AFF2: variants seen among roughly 807,000 people sequenced by gnomAD.
AFF2 encodes the protein AF4/FMR2 family member 2.
Under a neutral mutation model 76.9 loss-of-function variants are expected in AFF2, and 14 were observed. The observed-to-expected ratio is 0.18, with a 90% CI of 0.12 to 0.28. The LOEUF (loss-of-function observed/expected upper bound fraction) is 0.28. Among genes scored for constraint, AFF2 ranks in the 10% least tolerant of loss-of-function variants. The pLI, the probability that AFF2 is intolerant of heterozygous loss-of-function variation, is 1.00. For synonymous variants in AFF2, 398 were observed against 366.7 expected (o/e 1.09, Z -0.98); for missense variants, 868 against 1,001.1 (o/e 0.87, Z 1.79).
At position 148,918,480 on chromosome X, in the gene AFF2, G is replaced by T. The variant is rs191970934; in HGVS notation, c.1397+14222G>T. ...GTAGTGAAGATCTCATGTTACCTTT[G>T]TAGGCACAGCTTATCGAACAGGCAT... On this transcript the variant is annotated intron_variant, in intron 9 of 20. Transcript: ENST00000370460. 4.5e-5 allele frequency among the ~76,000 whole-genome samples: 5 copies of T among 111,506 alleles called. No homozygotes were observed. The East Asian group carries it at 1.4e-3, about 32-fold the overall frequency.
At chrX:148,967,203 T>A in intron 14 of AFF2, 124 bp downstream of exon 14, 1 of 1,005,413 alleles carries the variant, frequency 9.9e-7, no homozygotes. Flanking sequence ...TCCTATACCC[T>A]TAAAAGTCCA....
intron 3 of AFF2, among the ~76,000 whole-genome samples, chrX:148,704,157 G>C (rs2054836892): frequency 1.8e-5 from 1 of 56,181 alleles, no homozygotes; most frequent in South Asian, 1.1e-3. Flanking sequence ...AAGTGGTTTT[G>C]GAACATAATT....
chrX:148,971,319 G>A (rs1166365087), intron 15 of AFF2, among the ~76,000 whole-genome samples: 5 of 101,551 alleles, frequency 4.9e-5, no homozygotes, highest in African/African-American at 1.1e-4. Flanking sequence ...TAAGTGAGGC[G>A]ATACGGGCTT....
chrX:148,508,771 G>A (rs933960225), intron 1 of AFF2, among the ~76,000 whole-genome samples: 1 of 111,766 alleles, frequency 8.9e-6, no homozygotes, highest in African/African-American at 3.3e-5. Context: ...ATGAAGTGCC[G>A]TGGAGAGGTC....
chrX:148,946,714 G>C lies in AFF2; in HGVS notation c.1398-6866G>C, dbSNP rs2071904867. Among the ~76,000 whole-genome samples, 3 of 112,165 alleles carry C rather than the reference G, an allele frequency of 2.7e-5. No homozygotes were observed. In the South Asian group the frequency reaches 1.1e-3, roughly 42 times the overall value. ...AACTGAGGGCCAGTTCCAGCTTCTAGAGGCTGCCACATTCCTTGACTTTTG... is the reference window on the plus strand; with the variant it reads ...AACTGAGGGCCAGTTCCAGCTTCTACAGGCTGCCACATTCCTTGACTTTTG... On this transcript the variant is annotated intron_variant, in intron 9 of 20. Coordinates refer to ENST00000370460, the MANE Select transcript of AFF2 (RefSeq NM_002025.4).
In AFF2 at chrX:148,854,875, G is replaced by A. The variant is rs1603314184; in HGVS notation, c.1262+11442G>A. On this transcript the variant is annotated intron_variant, in intron 7 of 20. Coordinates refer to ENST00000370460, the MANE Select transcript of AFF2 (RefSeq NM_002025.4). ...CCATAACAGGACTTTTGTTGTTGTT[G>A]TTATTGGGCCTTTTTCTTTTCTTTA... 4.5e-5 allele frequency among the ~76,000 whole-genome samples: 5 copies of A among 111,184 alleles called. No homozygotes were observed. The Admixed American group carries it at 4.8e-4, about 11-fold the overall frequency.
chrX:148,924,355 T>G (rs782471138), intron 9 of AFF2, among the ~76,000 whole-genome samples: 24 of 111,869 alleles, frequency 2.1e-4, no homozygotes, highest in African/African-American at 7.8e-4. Context: ...TGCATGTGTG[T>G]GGGGGTGTTT....
At chrX:148,510,074 C>T (rs1374656949) in intron 1 of AFF2, among the ~76,000 whole-genome samples, 1 of 111,591 alleles carries the variant, frequency 9.0e-6, no homozygotes, top group Non-Finnish European at 1.9e-5. Context: ...TCCCATGCAA[C>T]TTTGTTGTTG....
intron 3 of AFF2, among the ~76,000 whole-genome samples, chrX:148,714,819 A>G (rs1603285385): frequency 9.0e-6 from 1 of 111,639 alleles, no homozygotes; most frequent in East Asian, 2.8e-4. Flanking sequence ...CACAGAGTAA[A>G]TGCTTACTGC....
chrX:148,757,561 A>G (rs1352664587), intron 3 of AFF2, among the ~76,000 whole-genome samples: 1 of 111,582 alleles, frequency 9.0e-6, no homozygotes, highest in Non-Finnish European at 1.9e-5. Context: ...GAGAGTTATT[A>G]GAATTAAAAA....
chrX:148,968,124 A>G (rs1414477966), intron 15 of AFF2, among the ~76,000 whole-genome samples: 7 of 111,102 alleles, frequency 6.3e-5, no homozygotes, highest in Non-Finnish European at 9.4e-5. Flanking sequence ...CCTGAGGAAA[A>G]ACTCAGCTCC....
At chrX:148,590,080 A>G (rs2053508014) in intron 1 of AFF2, among the ~76,000 whole-genome samples, 1 of 103,318 alleles carries the variant, frequency 9.7e-6, no homozygotes, top group Non-Finnish European at 2.0e-5. Context: ...GTTCCCCCTT[A>G]GTAAGGGCAT....
intron 2 of AFF2, 138 bp downstream of exon 2, chrX:148,652,269 A>G: frequency 4.4e-6 from 2 of 459,241 alleles, no homozygotes; most frequent in Admixed American, 4.3e-5. Flanking sequence ...CATACACTGT[A>G]TTTGAGGCAA....
At chrX:148,665,957 G>C (rs1430024538) in intron 3 of AFF2, among the ~76,000 whole-genome samples, 1 of 111,814 alleles carries the variant, frequency 8.9e-6, no homozygotes, top group Non-Finnish European at 1.9e-5. Flanking sequence ...TGTTAGTGAA[G>C]TGCATTTGTG....
rs185677849 is a variant in AFF2, at chrX:148,615,986, T to C, written c.48-36013T>C. ...AATATCTGGTGTTTTTACTAAAAGT[T>C]TTCATTTTTATCCAGATGTCTGACA... On this transcript the variant is annotated intron_variant, in intron 1 of 20. Transcript: ENST00000370460. Among the ~76,000 whole-genome samples, 5 of 111,918 alleles carry C rather than the reference T, an allele frequency of 4.5e-5. No homozygotes were observed. In the East Asian group the frequency reaches 1.4e-3, roughly 32 times the overall value.
intron 9 of AFF2, among the ~76,000 whole-genome samples, chrX:148,948,357 A>G (rs1336751338): frequency 8.9e-6 from 1 of 111,736 alleles, no homozygotes; most frequent in Admixed American, 9.5e-5. Context: ...GCCTCCTCAC[A>G]TGTTTCTCAT....
At chrX:148,864,378 A>G (rs1387724060) in intron 7 of AFF2, among the ~76,000 whole-genome samples, 1 of 112,177 alleles carries the variant, frequency 8.9e-6, no homozygotes, top group African/African-American at 3.2e-5. Context: ...GTTAATATAG[A>G]TAACAGGCAT....
chrX:148,642,721 T>G (rs1209292922), intron 1 of AFF2, among the ~76,000 whole-genome samples: 1 of 111,780 alleles, frequency 8.9e-6, no homozygotes, highest in Non-Finnish European at 1.9e-5. Context: ...CAGGGTACTA[T>G]GCCTGCCTCA....
intron 2 of AFF2, among the ~76,000 whole-genome samples, chrX:148,659,226 C>T (rs17252250): frequency 0.17 from 19,385 of 111,196 alleles, 1,258 homozygotes; most frequent in Non-Finnish European, 0.2. Flanking sequence ...CTTCAGAAAC[C>T]CAGATCATTA....
Sources: gnomAD v4.1 joint callset for allele counts (sites outside exome capture counted in the v4.1 genomes callset) on GRCh38, gnomAD v4.1.1 for gene constraint, MANE v1.5 for transcripts, NCBI Gene and HGNC (gene_info 2026-07-23, HGNC 2026-07-21) for gene names.